Variants in ADGRL3 observed in about 807,000 individuals in gnomAD.
ADGRL3 encodes the protein adhesion G protein-coupled receptor L3.
A neutral mutation model predicts 153.5 loss-of-function variants in ADGRL3; 62 were observed. The observed-to-expected ratio is 0.40, with a 90% confidence interval of 0.33 to 0.50. The LOEUF is 0.50. ADGRL3 is among the 20% of genes least tolerant of loss of function. The pLI is 0.47. For synonymous variants in ADGRL3, 710 were observed against 672.5 expected, an observed-to-expected ratio of 1.06 and a Z score of -0.86; for missense variants, 1,641 against 1,859.4, an observed-to-expected ratio of 0.88 and a Z score of 2.16.
chr4:61,977,661 A>T (rs1265969004), intron 17 of ADGRL3, among the ~76,000 whole-genome samples: 1 of 152,208 alleles, frequency 6.6e-6, no homozygotes, highest in Admixed American at 6.5e-5. Flanking sequence ...GAGTGTTATG[A>T]TTCAGATTAC....
intron 3 of ADGRL3, among the ~76,000 whole-genome samples, chr4:61,515,687 GC>G (rs1267000777): frequency 6.6e-6 from 1 of 152,072 alleles, no homozygotes; most frequent in Non-Finnish European, 1.5e-5. Flanking sequence ...CATAACAGAG[GC>G]TTATAGGATA....
chr4:61,452,334 TC>T (rs1354088154), intron 2 of ADGRL3, among the ~76,000 whole-genome samples: 204 of 102,472 alleles, frequency 2.0e-3, no homozygotes, highest in Non-Finnish European at 3.9e-3. Context: ...CAGTTCTGCT[TC>T]CCTTCTGCCC....
chr4:61,373,464 G>T (rs2096565400), intron 1 of ADGRL3, among the ~76,000 whole-genome samples: 1 of 152,058 alleles, frequency 6.6e-6, no homozygotes, highest in South Asian at 2.1e-4. Flanking sequence ...AACTTTCATT[G>T]TTAAGGGGGA....
chr4:62,012,075 T>A (rs942491805), intron 21 of ADGRL3, among the ~76,000 whole-genome samples: 1 of 152,274 alleles, frequency 6.6e-6, no homozygotes, highest in East Asian at 1.9e-4. Flanking sequence ...TTAAAAAATT[T>A]GTTGTGAGAG....
intron 4 of ADGRL3, chr4:61,579,522 C>T (rs2098914297): frequency 8.4e-6 from 4 of 474,882 alleles, no homozygotes; most frequent in Admixed American, 2.5e-5. Flanking sequence ...ACACTTGCTG[C>T]TTTTTTAGGC....
At chr4:62,003,978 C>A (rs913246859) in intron 21 of ADGRL3, among the ~76,000 whole-genome samples, 2 of 151,966 alleles carry the variant, frequency 1.3e-5, no homozygotes, top group African/African-American at 4.8e-5. Flanking sequence ...AGTAAAATAC[C>A]TTACCAGTAC....
intron 4 of ADGRL3, among the ~76,000 whole-genome samples, chr4:61,585,973 T>C (rs956232048): frequency 6.6e-6 from 1 of 151,946 alleles, no homozygotes; most frequent in Admixed American, 6.6e-5. Flanking sequence ...AAGCAAGCCA[T>C]TCACAAATAA....
chr4:61,717,780 TC>T (rs34053896), intron 6 of ADGRL3, among the ~76,000 whole-genome samples: 9 of 152,144 alleles, frequency 5.9e-5, no homozygotes, highest in African/African-American at 1.7e-4. Flanking sequence ...ACACCTGTAA[TC>T]CCAGCACTTT....
At chr4:61,454,592 G>T (rs1282641079) in intron 2 of ADGRL3, among the ~76,000 whole-genome samples, 1 of 152,052 alleles carries the variant, frequency 6.6e-6, no homozygotes, top group African/African-American at 2.4e-5. Flanking sequence ...CTGAGTTTTA[G>T]AATACCTTAT....
At chr4:61,648,085 T>C (rs1488621749) in intron 5 of ADGRL3, among the ~76,000 whole-genome samples, 1 of 152,152 alleles carries the variant, frequency 6.6e-6, no homozygotes, top group African/African-American at 2.4e-5. Flanking sequence ...TCCACTGAAC[T>C]GACATGTATT....
At chr4:61,506,222 C>T (rs1369088544) in intron 3 of ADGRL3, among the ~76,000 whole-genome samples, 1 of 151,752 alleles carries the variant, frequency 6.6e-6, no homozygotes, top group Admixed American at 6.6e-5. Context: ...ATAAAAAGGC[C>T]CTAATACAAA....
chr4:61,953,841 G>A (rs1016251413), intron 17 of ADGRL3, among the ~76,000 whole-genome samples: 7 of 152,128 alleles, frequency 4.6e-5, no homozygotes, highest in African/African-American at 9.7e-5. Context: ...TGGGTTGGCC[G>A]CATTCTTGCA....
intron 5 of ADGRL3, among the ~76,000 whole-genome samples, chr4:61,654,163 A>G (rs1373147344): frequency 6.6e-6 from 1 of 152,218 alleles, no homozygotes; most frequent in African/African-American, 2.4e-5. Context: ...CATATTATGT[A>G]CCTACTGGTA....
intron 9 of ADGRL3, among the ~76,000 whole-genome samples, chr4:61,846,651 TACCTGAG>T (rs2098119481): frequency 6.6e-6 from 1 of 152,134 alleles, no homozygotes; most frequent in Non-Finnish European, 1.5e-5. Context: ...TCTAAAGAAA[TACCTGAG>T]ACTGGGTAAT....
chr4:61,752,872 T>G (rs2096773937), intron 8 of ADGRL3, among the ~76,000 whole-genome samples: 2 of 152,084 alleles, frequency 1.3e-5, no homozygotes. Context: ...AGGTGGAGAT[T>G]GCAGTGAGCC....
chr4:61,641,145 A>T, intron 5 of ADGRL3, among the ~76,000 whole-genome samples: 1 of 152,150 alleles, frequency 6.6e-6, no homozygotes, highest in East Asian at 1.9e-4. Flanking sequence ...TAATTTAAAA[A>T]TAGGAATAAG....
At chr4:61,512,716 G>C (rs1159654441) in intron 3 of ADGRL3, among the ~76,000 whole-genome samples, 2 of 152,068 alleles carry the variant, frequency 1.3e-5, no homozygotes, top group Non-Finnish European at 2.9e-5. Context: ...GAACTGTTTG[G>C]TAAAATTATG....
rs73823293 is a variant in ADGRL3, at chr4:61,998,296, G to T, written c.3395+31G>T. On this transcript the variant is annotated intron_variant, in intron 21 of 26. Transcript: ENST00000683033. ...TGATTTTTATTTTTGTTTTCTATAG[G>T]TTGTGTTACATTTATACTCCAAACT... The T allele has an allele frequency of 5.4e-5, 66 of 1,214,998 alleles. No individual in the cohort carries two copies. The African/African-American group carries it at 8.9e-4, about 16-fold the overall frequency. 75.3% of individuals were successfully genotyped at this position (1,214,998 alleles called of 1,614,324 possible). A position where few individuals can be genotyped will look rare whatever the true frequency, so the allele number is the denominator to read the frequency against.
chr4:62,001,173 G>C (rs547420775), intron 21 of ADGRL3, among the ~76,000 whole-genome samples: 1 of 152,262 alleles, frequency 6.6e-6, no homozygotes, highest in East Asian at 1.9e-4. Context: ...TAGGAAAGGA[G>C]AATTACTTTT....
Sources: allele counts gnomAD v4.1 joint callset (sites outside exome capture counted in the v4.1 genomes callset), GRCh38; gene constraint gnomAD v4.1.1; transcripts MANE v1.5; gene names NCBI Gene and HGNC (gene_info 2026-07-23, HGNC 2026-07-21).